Variants in MFSD8 observed in about 807,000 individuals in gnomAD.
MFSD8 encodes major facilitator superfamily domain containing 8, also known as major facilitator superfamily domain-containing protein 8.
In MFSD8, 55 loss-of-function variants were observed where a neutral mutation model predicts 66.4. The ratio of observed to expected loss-of-function variants is 0.83; its 90% CI spans 0.67 to 1.04. The LOEUF (loss-of-function observed/expected upper bound fraction) is 1.04, where lower values mean the gene tolerates loss of function less well. Among genes scored for constraint, MFSD8 ranks in the 50% least tolerant of loss-of-function variants. MFSD8 has a pLI of 0.00. For missense variants in MFSD8, 550 were observed against 627.6 expected (o/e 0.88, Z 1.32); for synonymous variants, 202 against 212.8 (o/e 0.95, Z 0.44).
chr4:127,931,434 T>C (rs1738109475), intron 8 of MFSD8, among the ~76,000 whole-genome samples: 1 of 152,214 alleles, frequency 6.6e-6, no homozygotes, highest in Non-Finnish European at 1.5e-5. Context: ...CTTGGCTCAC[T>C]GCAACCTCCA....
At chr4:127,927,057 A>G (rs1004108648) in intron 9 of MFSD8, among the ~76,000 whole-genome samples, 1 of 152,214 alleles carries the variant, frequency 6.6e-6, no homozygotes, top group African/African-American at 2.4e-5. Flanking sequence ...ACACTTTATT[A>G]TAAAATACGC....
intron 3 of MFSD8, among the ~76,000 whole-genome samples, chr4:127,944,329 T>G (rs1740683377): frequency 6.6e-6 from 1 of 152,172 alleles, no homozygotes; most frequent in South Asian, 2.1e-4. Flanking sequence ...AAGCTATTCT[T>G]TAATTCTTGT....
At position 127,917,850 on chromosome 4, in the gene MFSD8, A is replaced by C. The variant is rs894848416; in HGVS notation, c.*2780T>G. 1 of 152,228 alleles carries C rather than the reference A, an allele frequency of 6.6e-6. No homozygotes were observed. The highest frequency in any genetic ancestry group is 1.5e-5 in the Non-Finnish European group (1 of 68,034). 9.4% of individuals were successfully genotyped at this position (152,228 alleles called of 1,614,324 possible). On this transcript the variant is annotated 3_prime_UTR_variant, in exon 12 of 12. Transcript: ENST00000641686. Reference sequence around the variant, plus strand: ...GTTTATTAGAAAATGAACATTCACAATGTAAAGTAGAAATTAAATTACAAA... The same window carrying C: ...GTTTATTAGAAAATGAACATTCACACTGTAAAGTAGAAATTAAATTACAAA...
intron 1 of MFSD8, chr4:127,964,778 C>G: frequency 1.8e-6 from 1 of 549,550 alleles, no homozygotes; most frequent in East Asian, 3.2e-5. Context: ...GCTGTGAGGA[C>G]TGCCAGCACG....
intron 2 of MFSD8, among the ~76,000 whole-genome samples, chr4:127,951,814 C>T (rs577292673): frequency 7.9e-5 from 12 of 151,080 alleles, no homozygotes; most frequent in East Asian, 2.0e-4. Context: ...TTGCAATCTC[C>T]GCCTCCCGGG....
intron 1 of MFSD8, among the ~76,000 whole-genome samples, chr4:127,959,797 T>G (rs758588520): frequency 2.0e-5 from 3 of 152,236 alleles, no homozygotes; most frequent in Non-Finnish European, 4.4e-5. Flanking sequence ...AAAGTATAAC[T>G]TCAATGAAAA....
intron 1 of MFSD8, among the ~76,000 whole-genome samples, chr4:127,958,206 A>T (rs1159805021): frequency 3.3e-5 from 5 of 152,180 alleles, no homozygotes; most frequent in African/African-American, 1.2e-4. Context: ...GATCTTTTGG[A>T]TAAGCGTCTG....
intron 3 of MFSD8, among the ~76,000 whole-genome samples, chr4:127,945,831 A>G (rs1225939150): frequency 6.6e-6 from 1 of 152,112 alleles, no homozygotes; most frequent in African/African-American, 2.4e-5. Context: ...AGAAAATAAT[A>G]ATTTCATGTT....
At chr4:127,928,475 C>T (rs1737586187) in intron 9 of MFSD8, among the ~76,000 whole-genome samples, 2 of 152,024 alleles carry the variant, frequency 1.3e-5, no homozygotes, top group Admixed American at 1.3e-4. Context: ...TATAAAAGGC[C>T]ACTAAGTAAA....
Position 127,953,543 on chromosome 4 carries a change from G to GTT in MFSD8, c.155-3698_155-3697dup, listed in dbSNP as rs952826538. On this transcript the variant is annotated intron_variant, in intron 2 of 11. Coordinates refer to ENST00000641686, the MANE Select transcript of MFSD8 (RefSeq NM_001371596.2). ...TTCTGATATTTGCACAAGGCATTCT[G>GTT]TTTTTTTTTTTTTTTTTTTTTTTTT... Among the ~76,000 whole-genome samples the GTT allele has an allele frequency of 6.6e-3, 444 of 67,044 alleles. 88 individuals carry two copies. The highest frequency in any genetic ancestry group is 0.013 in the African/African-American group (212 of 15,782). 44.0% of individuals were successfully genotyped at this position (67,044 alleles called of 152,430 possible).
chr4:127,940,536 A>G (rs537117655), intron 5 of MFSD8, among the ~76,000 whole-genome samples: 92 of 144,722 alleles, frequency 6.4e-4, no homozygotes, highest in East Asian at 4.3e-3. Flanking sequence ...ATATATATAT[A>G]TATGTGTGTG....
chr4:127,923,055 C>T (rs577331154), intron 9 of MFSD8, among the ~76,000 whole-genome samples: 1 of 152,306 alleles, frequency 6.6e-6, no homozygotes, highest in East Asian at 1.9e-4. Context: ...AGAAATACAG[C>T]AATCATGTCA....
intron 1 of MFSD8, chr4:127,964,768 G>A: frequency 5.7e-6 from 3 of 527,100 alleles, no homozygotes; most frequent in Middle Eastern, 5.3e-4. Flanking sequence ...GCGAGCAAGG[G>A]CTGTGAGGAC....
rs750969401 is a variant in MFSD8 at position 127,930,768 on chromosome 4, C to T, written c.913G>A (p.Ala305Thr). The change falls in exon 9 of 12, where the codon GCT becomes ACT. Residue 305 changes from alanine to threonine, a missense_variant. By Grantham distance (58) the Ala-to-Thr change is moderately conservative. Transcript: ENST00000641686. ...AGTATTATGCCATTATATAACACAG[C>T]TTGTTCTTGAGTCCAGGCATACATA... The part of the protein sequence containing the change: ...MDMYAWTQEQ[A>T]VLYNGIILAA... 6.2e-7 allele frequency: 1 copy of T among 1,612,758 alleles called. No individual in the cohort carries two copies. Among genetic ancestry groups the T allele is most frequent in the South Asian group, 1.1e-5 (1 of 90,660 alleles).
At chr4:127,922,957 T>C (rs182877145) in intron 9 of MFSD8, among the ~76,000 whole-genome samples, 3 of 152,346 alleles carry the variant, frequency 2.0e-5, no homozygotes, top group South Asian at 2.1e-4. Flanking sequence ...TCTTCTGATA[T>C]AAGCACATAT....
At chr4:127,958,108 C>T (rs1214826654) in intron 1 of MFSD8, among the ~76,000 whole-genome samples, 1 of 152,164 alleles carries the variant, frequency 6.6e-6, no homozygotes, top group Admixed American at 6.5e-5. Context: ...TAACCTAAGA[C>T]ATTTTCAGCC....
intron 2 of MFSD8, 58 bp downstream of exon 2, chr4:127,957,443 G>T: frequency 1.7e-6 from 2 of 1,158,174 alleles, no homozygotes; most frequent in Non-Finnish European, 2.6e-6. Flanking sequence ...TGAAGTAAAT[G>T]AAGTTAAAAT....
intron 9 of MFSD8, among the ~76,000 whole-genome samples, chr4:127,924,491 T>C (rs1736873220): frequency 6.6e-6 from 1 of 152,130 alleles, no homozygotes; most frequent in South Asian, 2.1e-4. Flanking sequence ...CCATTCACAA[T>C]TGCTGCAAAG....
rs1736054235 is a variant in MFSD8 at position 127,918,635 on chromosome 4, G to A, written c.*1995C>T. 1 of 152,076 alleles carries A rather than the reference G, an allele frequency of 6.6e-6. No individual in the cohort carries two copies. 9.4% of individuals were successfully genotyped at this position (152,076 alleles called of 1,614,324 possible). A position where few individuals can be genotyped will look rare whatever the true frequency, so the allele number is the denominator to read the frequency against. ...TGATTAATTGAAACTGCAACTTTCT[G>A]GGATATTTTCCTCACTATGAAAAAT... On this transcript the variant is annotated 3_prime_UTR_variant, in exon 12 of 12. Transcript: ENST00000641686.
Sources: gnomAD v4.1 joint callset for allele counts (sites outside exome capture counted in the v4.1 genomes callset) on GRCh38, gnomAD v4.1.1 for gene constraint, MANE v1.5 for transcripts, NCBI Gene and HGNC (gene_info 2026-07-23, HGNC 2026-07-21) for gene names.